ERP27: variants seen among roughly 807,000 people sequenced by gnomAD.
ERP27 encodes endoplasmic reticulum protein 27.
In ERP27, 23 loss-of-function variants were observed where a neutral mutation model predicts 27.7. The observed-to-expected ratio is 0.83, with a 90% CI of 0.60 to 1.18. The LOEUF is 1.18. Ranked by LOEUF, ERP27 falls within the 50% of genes most tolerant of loss-of-function variation. The pLI is 0.00. For synonymous variants in ERP27, 159 were observed against 118.3 expected (o/e 1.34, Z -2.23); for missense variants, 363 against 327.9 (o/e 1.11, Z -0.83).
At position 14,923,492 on chromosome 12, in the gene ERP27, AATCTATCT is replaced by A. The variant is rs61662382; in HGVS notation, c.334-2452_334-2445del. 9.1e-4 allele frequency among the ~76,000 whole-genome samples: 129 copies of A among 141,232 alleles called. 1 individual carries two copies. The Middle Eastern group carries it at 0.014, about 16-fold the overall frequency. 92.7% of individuals were successfully genotyped at this position (141,232 alleles called of 152,430 possible). ...ATATAATATCTATCTATCTATAATCAATCTATCTATCTATCTATCTATCTATCTATCTA... is the reference window on the plus strand; with the variant it reads ...ATATAATATCTATCTATCTATAATCAATCTATCTATCTATCTATCTATCTA... On this transcript the variant is annotated intron_variant, in intron 3 of 6. Transcript: ENST00000266397.
At chr12:14,916,385 C>T (rs1223922335) in intron 5 of ERP27, among the ~76,000 whole-genome samples, 1 of 152,150 alleles carries the variant, frequency 6.6e-6, no homozygotes, top group Non-Finnish European at 1.5e-5. Context: ...TACTCAGCCT[C>T]TCCGAGACTC....
chr12:14,915,174 A>C (rs1863389322), intron 6 of ERP27, among the ~76,000 whole-genome samples: 1 of 152,218 alleles, frequency 6.6e-6, no homozygotes, highest in South Asian at 2.1e-4. Context: ...TATTCTATAC[A>C]TGTATACAGC....
At chr12:14,918,798 C>A (rs373506584) in intron 4 of ERP27, among the ~76,000 whole-genome samples, 6 of 152,134 alleles carry the variant, frequency 3.9e-5, no homozygotes, top group African/African-American at 9.7e-5. Context: ...AAGATTTCTC[C>A]GTGGAGTTTA....
At chr12:14,917,088 C>A (rs527874828) in intron 5 of ERP27, 90 bp downstream of exon 5, 1 of 1,493,878 alleles carries the variant, frequency 6.7e-7, no homozygotes, top group South Asian at 1.3e-5. Context: ...TAGTTGTTTT[C>A]CTTATTTATC....
chr12:14,935,064 AATATG>A (rs1346988491), intron 2 of ERP27, 71 bp from the exon 3 acceptor site: 1 of 1,553,282 alleles, frequency 6.4e-7, no homozygotes, highest in Non-Finnish European at 8.7e-7. Flanking sequence ...AGGCAAAAGA[AATATG>A]ATATGATGTT....
rs1188845950 is a variant in ERP27 at position 14,937,953 on chromosome 12, T to A, written c.194A>T (p.Gln65Leu). 4 of 1,613,712 alleles carry A rather than the reference T, an allele frequency of 2.5e-6. No homozygotes were observed. Among genetic ancestry groups the A allele is most frequent in the Admixed American group, 1.7e-5 (1 of 59,990 alleles). ...ATEVAVIGFF[Q>L]DLEIPAVPIL... ...GGGAATTGCAAGTAGGGAACTAACC[T>A]GGAAGAAGCCTATGACAGCCACCTC... Residue 65 changes from glutamine (Q) to leucine (L), a missense_variant and splice_region_variant, in exon 2 of 7, where the codon CAG becomes CTG. Coordinates refer to ENST00000266397, the MANE Select transcript of ERP27 (RefSeq NM_152321.4).
At chr12:14,926,128 T>C (rs985281393) in intron 3 of ERP27, among the ~76,000 whole-genome samples, 22 of 152,248 alleles carry the variant, frequency 1.4e-4, no homozygotes. Flanking sequence ...ATCTTTTTAT[T>C]CAATTTTGTC....
intron 2 of ERP27, 142 bp downstream of exon 2, chr12:14,937,810 C>T: frequency 3.1e-6 from 2 of 643,954 alleles, no homozygotes; most frequent in Non-Finnish European, 5.5e-6. Context: ...TCCCAATGGA[C>T]AAGATGAAAT....
chr12:14,917,247 G>A lies in ERP27; in HGVS notation c.507C>T (p.Asn169=). 6.2e-7 allele frequency: 1 copy of A among 1,614,138 alleles called. No individual in the cohort carries two copies. Among genetic ancestry groups the A allele is most frequent in the African/African-American group, 1.3e-5 (1 of 75,040 alleles). ...TCTCTTCATACTCTGGGGAGGCCTT[G>A]TTCATTATCAGGAGGAGATGAATCT... ...VIQIHLLLIM[N]KASPEYEENM... is the part of the protein sequence containing the mutation. Residue 169 remains asparagine, a synonymous_variant, in exon 5 of 7, where the codon AAC becomes AAT. Coordinates refer to ENST00000266397, the MANE Select transcript of ERP27 (RefSeq NM_152321.4).
chr12:14,929,011 AT>A, intron 3 of ERP27: 1 of 1,535,184 alleles, frequency 6.5e-7, no homozygotes, highest in Non-Finnish European at 8.7e-7. Flanking sequence ...CAAAATCATC[AT>A]CATTATCATC....
At chr12:14,929,102 G>T (rs1863658178) in intron 3 of ERP27, 3 of 1,512,550 alleles carry the variant, frequency 2.0e-6, no homozygotes, top group Non-Finnish European at 2.6e-6. Context: ...TCTGGTGCCT[G>T]CACCTCAGCT....
At chr12:14,933,482 G>A (rs935456418) in intron 3 of ERP27, among the ~76,000 whole-genome samples, 1 of 152,066 alleles carries the variant, frequency 6.6e-6, no homozygotes, top group East Asian at 1.9e-4. Context: ...TAGTTTTAAT[G>A]GTGTGATGGG....
At chr12:14,923,309 A>G (rs1863538239) in intron 3 of ERP27, among the ~76,000 whole-genome samples, 1 of 152,022 alleles carries the variant, frequency 6.6e-6, no homozygotes, top group African/African-American at 2.4e-5. Context: ...TCCAGCTCAC[A>G]GGCAGTAGAT....
Position 14,938,051 on chromosome 12 carries a change from A to G in ERP27, c.96T>C (p.Asp32=). The G allele has an allele frequency of 2.5e-6, 4 of 1,613,146 alleles. No individual in the cohort carries two copies. The highest frequency in any genetic ancestry group is 1.1e-5 in the South Asian group (1 of 91,028). Residue 32 remains aspartate, a splice_region_variant and synonymous_variant, in exon 2 of 7, where the codon GAT becomes GAC. Coordinates refer to ENST00000266397, the MANE Select transcript of ERP27 (RefSeq NM_152321.4). ...EVAAEVEKSS[D]GPGAAQEPTW... ...TGGGTTCCTGGGCAGCACCAGGACCATCTAGAGAGAGAAGCAGAAGATGTC... is the reference window on the plus strand; with the variant it reads ...TGGGTTCCTGGGCAGCACCAGGACCGTCTAGAGAGAGAAGCAGAAGATGTC...
intron 3 of ERP27, among the ~76,000 whole-genome samples, chr12:14,926,693 A>T (rs532441220): frequency 6.6e-6 from 1 of 152,284 alleles, no homozygotes; most frequent in African/African-American, 2.4e-5. Context: ...CTTCTTGGAC[A>T]ATGCAAACAT....
intron 6 of ERP27, among the ~76,000 whole-genome samples, chr12:14,915,096 AT>A (rs972384430): frequency 5.3e-5 from 8 of 151,854 alleles, no homozygotes; most frequent in Non-Finnish European, 5.9e-5. Flanking sequence ...TTTAACTTTA[AT>A]TTTTTTGCTT....
intron 3 of ERP27, 21 bp from the exon 4 acceptor site, chr12:14,921,069 T>A: frequency 6.3e-7 from 1 of 1,583,904 alleles, no homozygotes; most frequent in Non-Finnish European, 8.7e-7. Context: ...CAAAAAAGAA[T>A]GAAGTCACTA....
intron 5 of ERP27, 28 bp downstream of exon 5, chr12:14,917,150 C>T (rs1482872183): frequency 1.2e-6 from 2 of 1,613,642 alleles, no homozygotes; most frequent in Non-Finnish European, 1.7e-6. Flanking sequence ...GGTGTGTATG[C>T]AATAGGATAT....
At chr12:14,926,473 A>T (rs1026482265) in intron 3 of ERP27, among the ~76,000 whole-genome samples, 3 of 152,166 alleles carry the variant, frequency 2.0e-5, no homozygotes, top group Non-Finnish European at 4.4e-5. Flanking sequence ...TGCATTTTCC[A>T]TTGGTTCTAT....
Sources: gnomAD v4.1 joint callset for allele counts (sites outside exome capture counted in the v4.1 genomes callset) on GRCh38, gnomAD v4.1.1 for gene constraint, MANE v1.5 for transcripts, NCBI Gene and HGNC (gene_info 2026-07-23, HGNC 2026-07-21) for gene names.